CNOT11: variants seen among roughly 807,000 people sequenced by gnomAD.
CNOT11 encodes the protein UPF0760 protein C2orf29.
CNOT11 carries 18 observed loss-of-function variants against 44.6 expected under a neutral mutation model. The observed-to-expected ratio is 0.40, with a 90% confidence interval of 0.28 to 0.60. CNOT11 has a LOEUF of 0.60. Among genes scored for constraint, CNOT11 ranks in the 20% least tolerant of loss-of-function variants. The probability of loss-of-function intolerance (pLI) is 0.38; values close to 1 mark genes in which losing one functional copy is unlikely to be tolerated. For synonymous variants in CNOT11, 291 were observed against 270.9 expected, an observed-to-expected ratio of 1.07 and a Z score of -0.73; for missense variants, 513 against 677.0, an observed-to-expected ratio of 0.76 and a Z score of 2.69.
chr2:101,253,508 G>C lies in CNOT11; in HGVS notation c.514+30G>C, dbSNP rs1219332051. 13 of 1,405,592 alleles carry C rather than the reference G, an allele frequency of 9.2e-6. No individual in the cohort carries two copies. Among genetic ancestry groups the C allele is most frequent in the Non-Finnish European group, 1.2e-5 (13 of 1,085,288 alleles). The allele number at this position is 1,405,592 out of a possible 1,614,324, so 87.1% of individuals were successfully genotyped here. On this transcript the variant is annotated intron_variant, in intron 1 of 6. Transcript: ENST00000289382. This position sits in a 1 kb window ranked among gnomAD's most constrained non-coding sequence, Gnocchi z 4.3. ...CTCCTGAAGCCAGCTGTGCCGTGTG[G>C]ATAGCGTTAGATTCCGCAGCTTTCC...
At position 101,269,225 on chromosome 2, in the gene CNOT11, G is replaced by T. The variant is rs911036972; in HGVS notation, c.1345G>T (p.Val449Leu). The T allele has an allele frequency of 1.2e-6, 2 of 1,612,556 alleles. No individual in the cohort carries two copies. Among genetic ancestry groups the T allele is most frequent in the Non-Finnish European group, 1.7e-6 (2 of 1,179,232 alleles). Reference sequence around the variant, plus strand: ...TTTTTTCCTTTTTCAGAATCGGTTGGTGCGTCTTGTGTGTGTGTTTCTCCA... The same window carrying T: ...TTTTTTCCTTTTTCAGAATCGGTTGTTGCGTCTTGTGTGTGTGTTTCTCCA... The part of the protein sequence containing the change: ...IKDKYMQNRL[V>L]RLVCVFLQSL... Residue 449 changes from valine (V) to leucine (L), a missense_variant, in exon 7 of 7, where the codon GTG becomes TTG. Val to Leu is a conservative substitution (Grantham distance 32). This residue lies in a region of CNOT11 where 87 missense variants were observed against 185.4 expected (regional missense o/e 0.47). Coordinates refer to ENST00000289382, the MANE Select transcript of CNOT11 (RefSeq NM_017546.5). This position sits in a 1 kb window ranked among gnomAD's most constrained non-coding sequence, Gnocchi z 4.8.
intron 5 of CNOT11, among the ~76,000 whole-genome samples, chr2:101,268,572 T>C (rs1251320823): frequency 6.6e-6 from 1 of 152,160 alleles, no homozygotes; most frequent in Non-Finnish European, 1.5e-5. Context: ...TCCTCATGCC[T>C]TATTGAAAAA....
chr2:101,261,595 G>A (rs566515054), intron 2 of CNOT11, among the ~76,000 whole-genome samples: 59 of 152,234 alleles, frequency 3.9e-4, no homozygotes, highest in South Asian at 1.0e-3. Context: ...TTCCAAAGTT[G>A]CTTTGCCATT....
At chr2:101,268,147 G>A (rs1348501661) in intron 5 of CNOT11, among the ~76,000 whole-genome samples, 1 of 152,192 alleles carries the variant, frequency 6.6e-6, no homozygotes, top group Non-Finnish European at 1.5e-5. Flanking sequence ...CTTTAACCGT[G>A]GTCACTGGCA....
Position 101,252,909 on chromosome 2 carries a change from A to G in CNOT11, c.-56A>G. The G allele has an allele frequency of 7.3e-7, 1 of 1,379,286 alleles. No individual in the cohort carries two copies. The highest frequency in any genetic ancestry group is 9.3e-7 in the Non-Finnish European group (1 of 1,074,254). 85.4% of individuals were successfully genotyped at this position (1,379,286 alleles called of 1,614,324 possible). ...GCGCGCTTTACGGCCGCGGGGACGG[A>G]GCGAGCCGGCGCCAGGGCCCCTCGG... On this transcript the variant is annotated 5_prime_UTR_variant, in exon 1 of 7. Transcript: ENST00000289382.
chr2:101,266,552 G>T, intron 4 of CNOT11, 125 bp from the exon 5 acceptor site: 1 of 676,734 alleles, frequency 1.5e-6, no homozygotes, highest in Non-Finnish European at 2.6e-6. Context: ...TTATGAAGTT[G>T]GTTCAATGCA....
At position 101,270,088 on chromosome 2, in the gene CNOT11, T is replaced by C. The variant is rs1038209491; in HGVS notation, c.*675T>C. On this transcript the variant is annotated 3_prime_UTR_variant, in exon 7 of 7. Coordinates refer to ENST00000289382, the MANE Select transcript of CNOT11 (RefSeq NM_017546.5). ...AATAGCTGGTATAGTTTTTTTTTTT[T>C]CTCTTAAGATGTTCTGTTATTAGTC... 2.6e-5 allele frequency: 4 copies of C among 152,456 alleles called. No homozygotes were observed. The highest frequency in any genetic ancestry group is 1.9e-4 in the East Asian group (1 of 5,198). The allele number at this position is 152,456 out of a possible 1,614,324, so 9.4% of individuals were successfully genotyped here.
At chr2:101,266,962 C>G (rs1682002471) in intron 5 of CNOT11, 83 bp downstream of exon 5, 1 of 1,020,690 alleles carries the variant, frequency 9.8e-7, no homozygotes, top group Non-Finnish European at 1.5e-6. Flanking sequence ...AGATTTTTGT[C>G]TTGATATTAT....
At chr2:101,260,079 G>A (rs1166978157) in intron 2 of CNOT11, among the ~76,000 whole-genome samples, 1 of 152,074 alleles carries the variant, frequency 6.6e-6, no homozygotes, top group African/African-American at 2.4e-5. Flanking sequence ...TGTAACAATG[G>A]TTATGTTCTG....
chr2:101,260,329 A>G (rs1681827475), intron 2 of CNOT11, among the ~76,000 whole-genome samples: 1 of 152,168 alleles, frequency 6.6e-6, no homozygotes, highest in Non-Finnish European at 1.5e-5. Context: ...TATCATAATA[A>G]AGTGAGAATC....
chr2:101,252,998 C>T lies in CNOT11; in HGVS notation c.34C>T (p.Arg12Trp), dbSNP rs1681653578. The change falls in exon 1 of 7, where the codon CGG becomes TGG. Residue 12 changes from arginine (R) to tryptophan (W), a missense_variant. Arg to Trp is a moderately radical substitution (Grantham distance 101, BLOSUM62 -3). Transcript: ENST00000289382. ...PGGGASAASG[R>W]LLTAAEQRGS... ...CGGAGGGGCGAGCGCGGCGTCTGGCCGGCTTCTCACCGCCGCGGAGCAAAG... is the reference window on the plus strand; with the variant it reads ...CGGAGGGGCGAGCGCGGCGTCTGGCTGGCTTCTCACCGCCGCGGAGCAAAG... The T allele has an allele frequency of 1.3e-6, 2 of 1,497,378 alleles. No individual in the cohort carries two copies. The highest frequency in any genetic ancestry group is 1.8e-6 in the Non-Finnish European group (2 of 1,130,616). The allele number at this position is 1,497,378 out of a possible 1,614,324, so 92.8% of individuals were successfully genotyped here. A position where few individuals can be genotyped will look rare whatever the true frequency, so the allele number is the denominator to read the frequency against.
Position 101,269,471 on chromosome 2 carries a change from TACACC to T in CNOT11, c.*59_*63del. 2.7e-6 allele frequency: 4 copies of T among 1,474,042 alleles called. No homozygotes were observed. The highest frequency in any genetic ancestry group is 3.8e-6 in the Non-Finnish European group (4 of 1,058,096). 91.3% of individuals were successfully genotyped at this position (1,474,042 alleles called of 1,614,324 possible). A position where few individuals can be genotyped will look rare whatever the true frequency, so the allele number is the denominator to read the frequency against. ...TTCAGCTGTACTGTGATTTAGTTTT[TACACC>T]GTTAAAACCCTGAGTGGATTGCTTG... On this transcript the variant is annotated 3_prime_UTR_variant, in exon 7 of 7. Transcript: ENST00000289382. This position sits in a 1 kb window ranked among gnomAD's most constrained non-coding sequence, Gnocchi z 4.8.
chr2:101,269,458 G>A lies in CNOT11; in HGVS notation c.*45G>A, dbSNP rs1443379618. The stretch of plus-strand genomic sequence containing the variant: ...CATCCATTCACTGTTCAGCTGTACT[G>A]TGATTTAGTTTTTACACCGTTAAAA... On this transcript the variant is annotated 3_prime_UTR_variant, in exon 7 of 7. Coordinates refer to ENST00000289382, the MANE Select transcript of CNOT11 (RefSeq NM_017546.5). This position sits in a 1 kb window ranked among gnomAD's most constrained non-coding sequence, Gnocchi z 4.8. The A allele has an allele frequency of 4.5e-6, 7 of 1,565,292 alleles. No homozygotes were observed. The highest frequency in any genetic ancestry group is 5.3e-6 in the Non-Finnish European group (6 of 1,138,736).
At chr2:101,262,140 G>A (rs760776697) in intron 2 of CNOT11, among the ~76,000 whole-genome samples, 2 of 151,992 alleles carry the variant, frequency 1.3e-5, no homozygotes, top group South Asian at 2.1e-4. Context: ...GAGCCACTGC[G>A]CCTGGTGGGT....
At chr2:101,260,017 C>T (rs1681817483) in intron 2 of CNOT11, among the ~76,000 whole-genome samples, 1 of 152,162 alleles carries the variant, frequency 6.6e-6, no homozygotes, top group South Asian at 2.1e-4. Flanking sequence ...CTACTGCACT[C>T]CAGCCTGGGC....
chr2:101,253,007 A>G lies in CNOT11; in HGVS notation c.43A>G (p.Thr15Ala). ...GAGCGCGGCGTCTGGCCGGCTTCTC[A>G]CCGCCGCGGAGCAAAGAGGGTCCCG... is the stretch of plus-strand genomic sequence containing the variant. ...GASAASGRLL[T>A]AAEQRGSREA... is the part of the protein sequence containing the mutation. Residue 15 changes from threonine (T) to alanine (A), a missense_variant, in exon 1 of 7, where the codon ACC (threonine) becomes GCC (alanine). By Grantham distance (58) the Thr-to-Ala change is moderately conservative. This residue lies in a region of CNOT11 where 259 missense variants were observed against 265.7 expected (regional missense o/e 0.97). Transcript: ENST00000289382. This position sits in a 1 kb window ranked among gnomAD's most constrained non-coding sequence, Gnocchi z 4.3. The G allele has an allele frequency of 6.7e-7, 1 of 1,499,832 alleles. No homozygotes were observed. The highest frequency in any genetic ancestry group is 1.2e-5 in the South Asian group (1 of 80,736). 92.9% of individuals were successfully genotyped at this position (1,499,832 alleles called of 1,614,324 possible). A position where few individuals can be genotyped will look rare whatever the true frequency, so the allele number is the denominator to read the frequency against.
At chr2:101,266,565 T>C (rs3736586) in intron 4 of CNOT11, 112 bp from the exon 5 acceptor site, 190,277 of 759,082 alleles carry the variant, frequency 0.25, 24,510 homozygotes, top group Middle Eastern at 0.31. Flanking sequence ...TCAATGCAGA[T>C]AGTTTTGTAG....
chr2:101,253,646 A>G lies in CNOT11; in HGVS notation c.514+168A>G, dbSNP rs1465463586. ...CACGCCCCTCACTCCTCCCCGCCTT[A>G]ACTCTAAAGAATGGAGAGGTGGTAG... is the stretch of plus-strand genomic sequence containing the variant. On this transcript the variant is annotated intron_variant, in intron 1 of 6. Transcript: ENST00000289382. This position sits in a 1 kb window ranked among gnomAD's most constrained non-coding sequence, Gnocchi z 4.3. Among the ~76,000 whole-genome samples the G allele has an allele frequency of 2.0e-5, 3 of 152,196 alleles. No individual in the cohort carries two copies. Among genetic ancestry groups the G allele is most frequent in the African/African-American group, 7.2e-5 (3 of 41,460 alleles).
At chr2:101,257,170 A>T (rs1681751763) in intron 1 of CNOT11, among the ~76,000 whole-genome samples, 1 of 152,208 alleles carries the variant, frequency 6.6e-6, no homozygotes, top group East Asian at 1.9e-4. Context: ...AGGCGAGTGG[A>T]TCACCTGAGG....
Sources: gnomAD v4.1 joint callset for allele counts (sites outside exome capture counted in the v4.1 genomes callset) on GRCh38, gnomAD v4.1.1 for gene constraint, gnomAD v4.1.1 regional missense constraint, Gnocchi (gnomAD v3.1) non-coding constraint, MANE v1.5 for transcripts, NCBI Gene and HGNC (gene_info 2026-07-23, HGNC 2026-07-21) for gene names.